The following WRN variants were observed in gnomAD, a reference collection of about 807,000 sequenced individuals.
WRN encodes WRN RecQ like helicase.
A neutral mutation model predicts 180.7 loss-of-function variants in WRN; 149 were observed. The observed-to-expected ratio is 0.82, with a 90% CI of 0.72 to 0.94. WRN has a LOEUF of 0.94. Among genes scored for constraint, WRN ranks in the 40% least tolerant of loss-of-function variants. The pLI is 0.00. For synonymous variants in WRN, 548 were observed against 568.9 expected, an observed-to-expected ratio of 0.96 and a Z score of 0.52; for missense variants, 1,661 against 1,700.1, an observed-to-expected ratio of 0.98 and a Z score of 0.40.
chr8:31,078,441 G>A lies in WRN; in HGVS notation c.839+2154G>A, dbSNP rs544425634. ...TGTGGAGTGCAGGAGGCCACATTTT[G>A]TTCATAGATCCAGTTTGACAAGCTT... On this transcript the variant is annotated intron_variant, in intron 8 of 34. Coordinates refer to ENST00000298139, the MANE Select transcript of WRN (RefSeq NM_000553.6). Among the ~76,000 whole-genome samples, 3 of 152,290 alleles carry A rather than the reference G, an allele frequency of 2.0e-5. No individual in the cohort carries two copies. The East Asian group carries it at 5.8e-4, about 29-fold the overall frequency.
At chr8:31,054,657 A>G (rs1029087612) in intron 1 of WRN, among the ~76,000 whole-genome samples, 1 of 152,244 alleles carries the variant, frequency 6.6e-6, no homozygotes, top group African/African-American at 2.4e-5. Flanking sequence ...AAATCATAAT[A>G]CGTTATTTTA....
At chr8:31,091,782 A>G (rs774303982) in intron 15 of WRN, 48 bp from the exon 16 acceptor site, 4 of 1,431,270 alleles carry the variant, frequency 2.8e-6, no homozygotes, top group Non-Finnish European at 3.0e-6. Flanking sequence ...TGAAATTGAT[A>G]TGTGTAATGT....
At chr8:31,166,378 TAGA>T (rs1454801987) in intron 33 of WRN, among the ~76,000 whole-genome samples, 4 of 152,144 alleles carry the variant, frequency 2.6e-5, no homozygotes, top group African/African-American at 9.6e-5. Context: ...TACATAATTT[TAGA>T]AGGTGTCAAG....
intron 24 of WRN, among the ~76,000 whole-genome samples, chr8:31,133,323 G>T (rs928671855): frequency 3.3e-5 from 5 of 152,146 alleles, no homozygotes; most frequent in Admixed American, 3.3e-4. Flanking sequence ...TAAAATTCTC[G>T]TATTGAATGT....
At chr8:31,116,927 A>G (rs1801545362) in intron 20 of WRN, among the ~76,000 whole-genome samples, 2 of 152,236 alleles carry the variant, frequency 1.3e-5, no homozygotes, top group South Asian at 2.1e-4. Flanking sequence ...TACTGGGTTC[A>G]GGAAATGTGA....
intron 23 of WRN, among the ~76,000 whole-genome samples, chr8:31,125,998 A>ATATATATATATATATATATATATATC (rs1267704813): frequency 1.4e-5 from 2 of 145,444 alleles, no homozygotes; most frequent in African/African-American, 5.1e-5. Flanking sequence ...ATATATATAT[A>ATATATATATATATATATATATATATC]TCTACTTAAC....
chr8:31,150,318 G>A lies in WRN; in HGVS notation c.3573-23G>A, dbSNP rs768468814. On this transcript the variant is annotated intron_variant, in intron 30 of 34. Transcript: ENST00000298139. ...GTGGTTTCTTGACCTTTTTGTTGTT[G>A]TTGTTGTTGTTGTTAAACACAGACC... 11 of 1,571,108 alleles carry A rather than the reference G, an allele frequency of 7.0e-6. No individual in the cohort carries two copies. The East Asian group carries it at 2.2e-4, about 32-fold the overall frequency.
intron 29 of WRN, 54 bp downstream of exon 29, chr8:31,147,182 TGTATG>T: frequency 1.3e-6 from 2 of 1,570,462 alleles, no homozygotes; most frequent in Non-Finnish European, 1.8e-6. Flanking sequence ...TATGATTCTA[TGTATG>T]CTTAAAATTC....
At chr8:31,109,046 TAGTC>T (rs1336223944) in intron 18 of WRN, among the ~76,000 whole-genome samples, 3 of 152,194 alleles carry the variant, frequency 2.0e-5, no homozygotes, top group African/African-American at 4.8e-5. Context: ...ACAAAATTAA[TAGTC>T]AGCATCCCAA....
chr8:31,087,875 G>T lies in WRN; in HGVS notation c.1531G>T (p.Asp511Tyr), dbSNP rs368413625. The part of the protein sequence containing the change: ...LGLPTKEEEE[D>Y]DENEANEGEE... ...TCTTCCTACTAAAGAAGAAGAAGAA[G>T]ATGATGAAAATGAAGCTAATGAAGG... The change falls in exon 12 of 35, where the codon GAT becomes TAT. Residue 511 changes from aspartate (D) to tyrosine (Y), a missense_variant. Asp to Tyr is a radical substitution (Grantham distance 160). Coordinates refer to ENST00000298139, the MANE Select transcript of WRN (RefSeq NM_000553.6). The T allele has an allele frequency of 6.2e-7, 1 of 1,613,676 alleles. No homozygotes were observed. Among genetic ancestry groups the T allele is most frequent in the Non-Finnish European group, 8.5e-7 (1 of 1,179,804 alleles).
At chr8:31,061,824 C>T (rs1200380947) in intron 3 of WRN, among the ~76,000 whole-genome samples, 3 of 152,148 alleles carry the variant, frequency 2.0e-5, no homozygotes, top group Non-Finnish European at 4.4e-5. Flanking sequence ...TGTGTAAGTC[C>T]GTCCTAAGAA....
chr8:31,041,115 T>A (rs1811637748), intron 1 of WRN, among the ~76,000 whole-genome samples: 1 of 152,228 alleles, frequency 6.6e-6, no homozygotes, highest in African/African-American at 2.4e-5. Context: ...TGTCCATCTC[T>A]ATCTGTATTT....
At chr8:31,073,839 C>T (rs1050149897) in intron 7 of WRN, among the ~76,000 whole-genome samples, 3 of 151,964 alleles carry the variant, frequency 2.0e-5, no homozygotes, top group Non-Finnish European at 2.9e-5. Context: ...TGCTTTAAAT[C>T]ATTCGGGGAG....
chr8:31,076,161 T>C lies in WRN; in HGVS notation c.725-12T>C. On this transcript the variant is annotated splice_polypyrimidine_tract_variant and intron_variant, in intron 7 of 34. Transcript: ENST00000298139. ...TGGTTTGAAAATTAATATTGATTTT[T>C]TTTCCCCCTAGAGGAAGAAATCCTA... is the stretch of plus-strand genomic sequence containing the variant. 1 of 1,600,978 alleles carries C rather than the reference T, an allele frequency of 6.2e-7. No homozygotes were observed. Among genetic ancestry groups the C allele is most frequent in the Non-Finnish European group, 8.6e-7 (1 of 1,168,184 alleles).
At chr8:31,062,990 C>G (rs1341206452) in intron 3 of WRN, among the ~76,000 whole-genome samples, 1 of 152,116 alleles carries the variant, frequency 6.6e-6, no homozygotes, top group East Asian at 1.9e-4. Context: ...GCTGCCATGC[C>G]TGGCTAATTT....
rs979266162 is a variant in WRN, at chr8:31,170,355, C to A, written c.4192-2640C>A. Among the ~76,000 whole-genome samples, 5 of 151,646 alleles carry A rather than the reference C, an allele frequency of 3.3e-5. 1 individual carries two copies. In the South Asian group the frequency reaches 8.4e-4, roughly 25 times the overall value. On this transcript the variant is annotated intron_variant, in intron 34 of 34. Coordinates refer to ENST00000298139, the MANE Select transcript of WRN (RefSeq NM_000553.6). ...TGACTGTATAAGAGAGAATGTATGA[C>A]ATTTCCTGCTTGACCGCTGAGTTTG... is the stretch of plus-strand genomic sequence containing the variant.
At position 31,058,526 on chromosome 8, in the gene WRN, G is replaced by A. The variant is rs778355874; in HGVS notation, c.79G>A (p.Ala27Thr). Residue 27 changes from alanine to threonine, a missense_variant, in exon 2 of 35, where the codon GCT (alanine) becomes ACT (threonine). Coordinates refer to ENST00000298139, the MANE Select transcript of WRN (RefSeq NM_000553.6). ...EWMNVQNKRC[A>T]VEERKACVRK... is the part of the protein sequence containing the mutation. ...GATGAATGTGCAGAATAAAAGATGTGCTGTAGAAGAAAGAAAGGTATGTTG... is the reference window on the plus strand; with the variant it reads ...GATGAATGTGCAGAATAAAAGATGTACTGTAGAAGAAAGAAAGGTATGTTG... The A allele has an allele frequency of 6.2e-7, 1 of 1,613,756 alleles. No individual in the cohort carries two copies. The highest frequency in any genetic ancestry group is 1.7e-5 in the Admixed American group (1 of 60,016).
intron 16 of WRN, among the ~76,000 whole-genome samples, chr8:31,093,086 G>T (rs1205741872): frequency 6.6e-6 from 1 of 152,064 alleles, no homozygotes; most frequent in African/African-American, 2.4e-5. Flanking sequence ...CTGCAGGTAT[G>T]TTCCACCATG....
intron 24 of WRN, among the ~76,000 whole-genome samples, chr8:31,136,836 CGAAT>C (rs60617461): frequency 0.18 from 26,521 of 149,380 alleles, 2,417 homozygotes; most frequent in South Asian, 0.25. Flanking sequence ...TACCCTGTCT[CGAAT>C]GAATGAATGA....
Sources: gnomAD v4.1 joint callset for allele counts (sites outside exome capture counted in the v4.1 genomes callset) on GRCh38, gnomAD v4.1.1 for gene constraint, MANE v1.5 for transcripts, NCBI Gene and HGNC (gene_info 2026-07-23, HGNC 2026-07-21) for gene names.